The following LTBP1 variants were observed in gnomAD, a reference collection of about 807,000 sequenced individuals.
LTBP1 encodes latent-transforming growth factor beta-binding protein 1.
A neutral mutation model predicts 207.6 loss-of-function variants in LTBP1; 129 were observed. The observed-to-expected ratio is 0.62, with a 90% CI of 0.54 to 0.72. LTBP1 has a LOEUF of 0.72. Among genes scored for constraint, LTBP1 ranks in the 30% least tolerant of loss-of-function variants. The pLI, the probability that LTBP1 is intolerant of heterozygous loss-of-function variation, is 0.00. For synonymous variants in LTBP1, 963 were observed against 833.7 expected (o/e 1.16, Z -2.67); for missense variants, 2,281 against 2,217.2 (o/e 1.03, Z -0.58).
In LTBP1 at chr2:33,280,109, G is replaced by A. The variant is rs148622840; in HGVS notation, c.3063G>A (p.Gln1021=). 1.2e-6 allele frequency: 2 copies of A among 1,614,160 alleles called. No individual in the cohort carries two copies. The highest frequency in any genetic ancestry group is 2.2e-5 in the East Asian group (1 of 44,884). ...EQCVNSPGSY[Q]CVPCTEGFRG... is the part of the protein sequence containing the mutation. ...GTGTGAATTCTCCTGGATCTTACCA[G>A]TGCGTTCCCTGCACAGAAGGATTCC... The change falls in exon 19 of 34, where the codon CAG becomes CAA. Residue 1021 remains glutamine, a synonymous_variant. Coordinates refer to ENST00000404816, the MANE Select transcript of LTBP1 (RefSeq NM_206943.4).
chr2:33,181,334 G>A (rs891143327), intron 5 of LTBP1, among the ~76,000 whole-genome samples: 2 of 152,158 alleles, frequency 1.3e-5, no homozygotes, highest in Non-Finnish European at 2.9e-5. Flanking sequence ...GTTCCAATTC[G>A]TGGCACAGAA....
intron 9 of LTBP1, among the ~76,000 whole-genome samples, chr2:33,228,454 C>T (rs766861353): frequency 3.3e-5 from 5 of 152,054 alleles, no homozygotes; most frequent in South Asian, 2.1e-4. Context: ...GGAATTAAAC[C>T]AAGGTAGAAT....
chr2:32,982,714 G>A (rs776890724), intron 2 of LTBP1, among the ~76,000 whole-genome samples: 1 of 152,184 alleles, frequency 6.6e-6, no homozygotes, highest in Non-Finnish European at 1.5e-5. Flanking sequence ...CTCGGGCCGT[G>A]GCTTCAGAGG....
At chr2:33,290,688 G>A (rs559904110) in intron 19 of LTBP1, among the ~76,000 whole-genome samples, 2 of 152,270 alleles carry the variant, frequency 1.3e-5, no homozygotes, top group South Asian at 4.1e-4. Context: ...TGAGGAAAGA[G>A]GGAGAGTAAA....
chr2:33,347,526 A>G lies in LTBP1; in HGVS notation c.4000+16A>G. On this transcript the variant is annotated intron_variant, in intron 26 of 33. Coordinates refer to ENST00000404816, the MANE Select transcript of LTBP1 (RefSeq NM_206943.4). The stretch of plus-strand genomic sequence containing the variant: ...ACCTCCACAGGTAAGTCCCAGTGAC[A>G]CTGTGCAAGGGAATGACAGGCTCCT... The G allele has an allele frequency of 6.2e-7, 1 of 1,613,852 alleles. No individual in the cohort carries two copies. Among genetic ancestry groups the G allele is most frequent in the South Asian group, 1.1e-5 (1 of 91,054 alleles).
intron 24 of LTBP1, among the ~76,000 whole-genome samples, chr2:33,315,763 C>A (rs1264479450): frequency 6.6e-6 from 1 of 152,098 alleles, no homozygotes; most frequent in East Asian, 1.9e-4. Flanking sequence ...ATGGTGAAAC[C>A]TCATCTCTAC....
chr2:33,110,385 A>G (rs1302384384), intron 3 of LTBP1, among the ~76,000 whole-genome samples, 197 bp from the exon 4 acceptor site: 1 of 152,168 alleles, frequency 6.6e-6, no homozygotes, highest in Non-Finnish European at 1.5e-5. Context: ...TTCGTGAAGG[A>G]CGCTTCTGAG....
At chr2:33,301,249 TGAGAG>T (rs2093984133) in intron 21 of LTBP1, among the ~76,000 whole-genome samples, 1 of 152,188 alleles carries the variant, frequency 6.6e-6, no homozygotes, top group Non-Finnish European at 1.5e-5. Context: ...CCAGAGTTCT[TGAGAG>T]GAAACGCCAT....
At chr2:33,233,909 T>C (rs1422816100) in intron 9 of LTBP1, among the ~76,000 whole-genome samples, 3 of 152,092 alleles carry the variant, frequency 2.0e-5, no homozygotes, top group East Asian at 1.9e-4. Context: ...AGTGGAGCCA[T>C]TGTGTTAAGT....
chr2:33,327,325 T>C (rs185699587), intron 24 of LTBP1, among the ~76,000 whole-genome samples: 130 of 152,348 alleles, frequency 8.5e-4, no homozygotes, highest in South Asian at 2.3e-3. Flanking sequence ...TTAGAATTAT[T>C]ACTAGGATTG....
intron 24 of LTBP1, among the ~76,000 whole-genome samples, chr2:33,340,223 A>T (rs1179750500): frequency 7.0e-6 from 1 of 143,308 alleles, no homozygotes; most frequent in Non-Finnish European, 1.5e-5. Context: ...GCGCCCCTGC[A>T]CTCCAGCCTG....
chr2:33,261,736 G>A (rs1199221697), intron 13 of LTBP1, among the ~76,000 whole-genome samples: 1 of 152,204 alleles, frequency 6.6e-6, no homozygotes. Flanking sequence ...GGAGGTATCT[G>A]TGGGATATCT....
At chr2:33,057,075 A>T (rs1460055159) in intron 3 of LTBP1, among the ~76,000 whole-genome samples, 1 of 152,104 alleles carries the variant, frequency 6.6e-6, no homozygotes, top group African/African-American at 2.4e-5. Context: ...CATGAGCTAG[A>T]CACAGAGTGC....
At chr2:33,227,748 T>G (rs904136774) in intron 9 of LTBP1, among the ~76,000 whole-genome samples, 2 of 151,750 alleles carry the variant, frequency 1.3e-5, no homozygotes, top group Non-Finnish European at 2.9e-5. Flanking sequence ...AAAAAATAGA[T>G]TTGATGTGGA....
intron 11 of LTBP1, among the ~76,000 whole-genome samples, chr2:33,255,913 T>C (rs2092835556): frequency 6.6e-6 from 1 of 152,200 alleles, no homozygotes; most frequent in Admixed American, 6.5e-5. Flanking sequence ...CCTTGGTGTC[T>C]ACATTTGGTA....
intron 3 of LTBP1, among the ~76,000 whole-genome samples, chr2:33,106,306 C>T (rs1424381926): frequency 1.3e-5 from 2 of 152,194 alleles, no homozygotes; most frequent in Non-Finnish European, 2.9e-5. Context: ...GATATTTGGA[C>T]CTCCTCCCAT....
At chr2:33,315,100 A>G in intron 23 of LTBP1, 44 bp from the exon 24 acceptor site, 2 of 1,533,334 alleles carry the variant, frequency 1.3e-6, no homozygotes, top group Non-Finnish European at 1.7e-6. Context: ...ATGGGAATGA[A>G]ACCGATTTTT....
chr2:33,248,807 G>A (rs1420113865), intron 10 of LTBP1, among the ~76,000 whole-genome samples: 4 of 152,046 alleles, frequency 2.6e-5, no homozygotes, highest in Non-Finnish European at 5.9e-5. Context: ...GGCTGGTCTC[G>A]AACTCCTAAC....
chr2:33,290,855 T>C (rs2093760269), intron 19 of LTBP1, among the ~76,000 whole-genome samples: 1 of 152,228 alleles, frequency 6.6e-6, no homozygotes, highest in African/African-American at 2.4e-5. Context: ...CCAGTAGACT[T>C]ACCAGCTGGA....
Sources: gnomAD v4.1 joint callset for allele counts (sites outside exome capture counted in the v4.1 genomes callset) on GRCh38, gnomAD v4.1.1 for gene constraint, MANE v1.5 for transcripts, NCBI Gene and HGNC (gene_info 2026-07-23, HGNC 2026-07-21) for gene names.